The following ENTHD1 variants were observed in gnomAD, a reference collection of about 807,000 sequenced individuals.
The protein encoded by ENTHD1 is ENTH domain containing 1.
Under a neutral mutation model 39.1 loss-of-function variants are expected in ENTHD1, and 23 were observed. That is an observed-to-expected ratio of 0.59 (90% confidence interval 0.42 to 0.83). The LOEUF (loss-of-function observed/expected upper bound fraction) is 0.83. ENTHD1 is among the 40% of genes least tolerant of loss of function. The pLI is 0.00. For synonymous variants in ENTHD1, 230 were observed against 258.2 expected (o/e 0.89, Z 1.05); for missense variants, 624 against 705.4 (o/e 0.88, Z 1.31).
At chr22:39,744,983 C>T (rs2065092386) in intron 6 of ENTHD1, among the ~76,000 whole-genome samples, 1 of 152,066 alleles carries the variant, frequency 6.6e-6, no homozygotes, top group Non-Finnish European at 1.5e-5. Context: ...ACACTTTATT[C>T]TAAATCATTT....
At chr22:39,826,800 T>G (rs1811067128) in intron 4 of ENTHD1, among the ~76,000 whole-genome samples, 1 of 151,738 alleles carries the variant, frequency 6.6e-6, no homozygotes. Flanking sequence ...CTCCGTAGCT[T>G]CCACTCAATT....
intron 4 of ENTHD1, among the ~76,000 whole-genome samples, chr22:39,829,790 CAATAAATAAATA>C (rs10657076): frequency 1.1e-4 from 16 of 143,332 alleles, no homozygotes; most frequent in Admixed American, 2.8e-4. Flanking sequence ...GACTCTGTCT[CAATAAATAAATA>C]AATAAATAAA....
intron 3 of ENTHD1, among the ~76,000 whole-genome samples, chr22:39,845,849 G>A (rs745862175): frequency 6.0e-5 from 9 of 150,630 alleles, no homozygotes; most frequent in South Asian, 4.2e-4. Flanking sequence ...AGTTATATGC[G>A]TTGGAAAATT....
At chr22:39,844,087 T>C (rs2065968301) in intron 3 of ENTHD1, among the ~76,000 whole-genome samples, 1 of 152,172 alleles carries the variant, frequency 6.6e-6, no homozygotes, top group Admixed American at 6.5e-5. Flanking sequence ...GTACAATTAC[T>C]GTACATCTTT....
chr22:39,771,822 T>TG (rs1459872107), intron 5 of ENTHD1, among the ~76,000 whole-genome samples: 1 of 152,104 alleles, frequency 6.6e-6, no homozygotes, highest in African/African-American at 2.4e-5. Flanking sequence ...CCGTAAAACT[T>TG]TATAACAAGA....
At chr22:39,842,693 T>G (rs1282809303) in intron 3 of ENTHD1, among the ~76,000 whole-genome samples, 9 of 150,628 alleles carry the variant, frequency 6.0e-5, no homozygotes, top group Non-Finnish European at 1.2e-4. Flanking sequence ...TGGGAGAAAA[T>G]TTTTGCAACC....
chr22:39,814,295 C>CAAAAAAAAAAAAAAAAAAAA (rs77915572), intron 5 of ENTHD1, among the ~76,000 whole-genome samples: 31 of 97,648 alleles, frequency 3.2e-4, no homozygotes, highest in African/African-American at 3.6e-4. Flanking sequence ...CCCATCTCTA[C>CAAAAAAAAAAAAAAAAAAAA]AAAAAAAAAA....
intron 2 of ENTHD1, among the ~76,000 whole-genome samples, chr22:39,872,053 G>A (rs1364228025): frequency 1.3e-5 from 2 of 152,116 alleles, no homozygotes; most frequent in African/African-American, 4.8e-5. Flanking sequence ...TATATTAGGT[G>A]GGTTCACCGA....
At chr22:39,752,094 A>G (rs2065152076) in intron 6 of ENTHD1, among the ~76,000 whole-genome samples, 1 of 151,992 alleles carries the variant, frequency 6.6e-6, no homozygotes, top group Non-Finnish European at 1.5e-5. Context: ...ACAGATCTCT[A>G]TAGAAGAGAG....
chr22:39,862,564 G>A (rs80324084), intron 2 of ENTHD1, among the ~76,000 whole-genome samples: 3,207 of 118,150 alleles, frequency 0.027, 110 homozygotes, highest in African/African-American at 0.089. Flanking sequence ...AAAAAAAAAA[G>A]AAAGAAAAAG....
intron 5 of ENTHD1, among the ~76,000 whole-genome samples, chr22:39,786,661 G>C (rs375391397): frequency 1.3e-5 from 2 of 151,934 alleles, no homozygotes; most frequent in East Asian, 3.9e-4. Context: ...CATCTGAAGT[G>C]AAACTTTATA....
rs753644902 is a variant in ENTHD1, at chr22:39,743,833, C to A, written c.1670G>T (p.Arg557Leu). The A allele has an allele frequency of 6.2e-7, 1 of 1,614,064 alleles. No homozygotes were observed. ...ATCTTCATGTAATCTAGCGATCGCA[C>A]GTTTTACCTCCCTTAAAAGAACACT... ...SISVLLREVKRAIARLHEDLS... is the reference protein window; with the variant it reads ...SISVLLREVKLAIARLHEDLS... The change falls in exon 7 of 7, where the codon CGT (arginine) becomes CTT (leucine). Residue 557 changes from arginine (R) to leucine (L), a missense_variant. Coordinates refer to ENST00000325157, the MANE Select transcript of ENTHD1 (RefSeq NM_152512.4).
chr22:39,746,998 CT>C (rs953650536), intron 6 of ENTHD1, among the ~76,000 whole-genome samples: 3 of 151,844 alleles, frequency 2.0e-5, no homozygotes, highest in Non-Finnish European at 4.4e-5. Flanking sequence ...TTTGTTTTTT[CT>C]TTTTTTTAGA....
chr22:39,867,453 C>T lies in ENTHD1; in HGVS notation c.350-5446G>A, dbSNP rs2066193868. 6.6e-6 allele frequency among the ~76,000 whole-genome samples: 1 copy of T among 152,068 alleles called. No homozygotes were observed. The highest frequency in any genetic ancestry group is 2.1e-4 in the South Asian group (1 of 4,818). ...TTTCTCGGTGACTTTTATCTCTACTCTAAGTTAGAAATATGAACATATACC... is the reference window on the plus strand; with the variant it reads ...TTTCTCGGTGACTTTTATCTCTACTTTAAGTTAGAAATATGAACATATACC... On this transcript the variant is annotated intron_variant, in intron 2 of 6. Coordinates refer to ENST00000325157, the MANE Select transcript of ENTHD1 (RefSeq NM_152512.4). This position sits in a 1 kb window ranked among gnomAD's most constrained non-coding sequence, Gnocchi z 4.5.
chr22:39,841,427 G>C (rs962363803), intron 3 of ENTHD1, among the ~76,000 whole-genome samples: 1 of 151,420 alleles, frequency 6.6e-6, no homozygotes, highest in African/African-American at 2.4e-5. Context: ...CTCCTGTATT[G>C]GGTGCATATA....
chr22:39,850,221 C>T (rs1392951682), intron 3 of ENTHD1, among the ~76,000 whole-genome samples: 1 of 152,082 alleles, frequency 6.6e-6, no homozygotes, highest in African/African-American at 2.4e-5. Context: ...TGTAGTTCTA[C>T]CAACTTTTGC....
chr22:39,836,375 A>G (rs935171718), intron 3 of ENTHD1, among the ~76,000 whole-genome samples: 2 of 152,178 alleles, frequency 1.3e-5, no homozygotes, highest in Non-Finnish European at 2.9e-5. Context: ...CAACTCTGTT[A>G]TAACATTACT....
At position 39,861,758 on chromosome 22, in the gene ENTHD1, T is replaced by A. The variant is rs776324341; in HGVS notation, c.592+7A>T. ...TTGCATTTTAGGCCAATGTTCATTA[T>A]ACGTACTTTTATTATGTAACCTTCC... On this transcript the variant is annotated splice_region_variant and intron_variant, in intron 3 of 6. Coordinates refer to ENST00000325157, the MANE Select transcript of ENTHD1 (RefSeq NM_152512.4). The A allele has an allele frequency of 6.6e-7, 1 of 1,515,854 alleles. No homozygotes were observed. Among genetic ancestry groups the A allele is most frequent in the South Asian group, 1.4e-5 (1 of 71,306 alleles). The allele number at this position is 1,515,854 out of a possible 1,614,324, so 93.9% of individuals were successfully genotyped here.
intron 5 of ENTHD1, among the ~76,000 whole-genome samples, chr22:39,808,555 CAGTTT>C (rs1188631469): frequency 6.6e-6 from 1 of 152,182 alleles, no homozygotes; most frequent in Non-Finnish European, 1.5e-5. Context: ...AAGAATCTCT[CAGTTT>C]AGATTAGTCT....
Sources: allele counts gnomAD v4.1 joint callset (sites outside exome capture counted in the v4.1 genomes callset), GRCh38; gene constraint gnomAD v4.1.1; non-coding constraint Gnocchi (gnomAD v3.1); transcripts MANE v1.5; gene names NCBI Gene and HGNC (gene_info 2026-07-23, HGNC 2026-07-21).